The following AP3D1 variants were observed in gnomAD, a reference collection of about 807,000 sequenced individuals.
AP3D1 encodes the protein AP-3 complex subunit delta-1.
A neutral mutation model predicts 147.6 loss-of-function variants in AP3D1; 51 were observed. The ratio of observed to expected loss-of-function variants is 0.35; its 90% CI spans 0.28 to 0.44. AP3D1 has a LOEUF of 0.44. Ranked by LOEUF, AP3D1 falls within the 20% of genes least tolerant of loss-of-function variation. AP3D1 has a pLI of 1.00. For missense variants in AP3D1, 1,421 were observed against 1,624.2 expected (o/e 0.87, Z 2.15); for synonymous variants, 760 against 663.0 (o/e 1.15, Z -2.25).
At position 2,150,110 on chromosome 19, in the gene AP3D1, G is replaced by C. The variant is rs188354064; in HGVS notation, c.96+1129C>G. On this transcript the variant is annotated intron_variant, in intron 1 of 31. Transcript: ENST00000643116. ...AGGTGTAACAATACGGCAAGAGCTC[G>C]GGTTCCCAGAGAGAGGGACATGGGC... 1.5e-4 allele frequency among the ~76,000 whole-genome samples: 23 copies of C among 152,330 alleles called. No homozygotes were observed. In the East Asian group the frequency reaches 4.2e-3, roughly 28 times the overall value.
chr19:2,105,129 G>C (rs184673673), intron 31 of AP3D1, among the ~76,000 whole-genome samples: 176 of 152,316 alleles, frequency 1.2e-3, no homozygotes, highest in African/African-American at 3.9e-3. Flanking sequence ...CAGCTAGGAC[G>C]AGGCAGACTG....
chr19:2,120,773 G>A (rs1599460273), intron 14 of AP3D1, 89 bp downstream of exon 14: 12 of 1,342,760 alleles, frequency 8.9e-6, no homozygotes, highest in Non-Finnish European at 1.1e-5. Flanking sequence ...GATGGGAGAC[G>A]GTAGGAAGGA....
chr19:2,143,445 T>C (rs2019275137), intron 1 of AP3D1, among the ~76,000 whole-genome samples: 1 of 151,602 alleles, frequency 6.6e-6, no homozygotes, highest in African/African-American at 2.4e-5. Context: ...TTTCGCCGTG[T>C]TAGCCAGGAT....
rs2018649533 is a variant in AP3D1, at chr19:2,122,865, G to C, written c.955+493C>G. On this transcript the variant is annotated intron_variant, in intron 11 of 31. Coordinates refer to ENST00000643116, the MANE Select transcript of AP3D1 (RefSeq NM_001261826.3). ...AAATGAGCATCCAAAACACCGCCCA[G>C]GTACAAGGTACCAGGCAGGGGCCGC... Among the ~76,000 whole-genome samples the C allele has an allele frequency of 2.0e-5, 3 of 152,224 alleles. No individual in the cohort carries two copies. In the South Asian group the frequency reaches 6.2e-4, roughly 32 times the overall value.
At chr19:2,120,554 C>G (rs555913490) in intron 14 of AP3D1, among the ~76,000 whole-genome samples, 2 of 152,194 alleles carry the variant, frequency 1.3e-5, no homozygotes, top group Non-Finnish European at 2.9e-5. Context: ...GCCAGCCCCC[C>G]GTCTGCAGCC....
intron 25 of AP3D1, 147 bp downstream of exon 25, chr19:2,111,532 G>T: frequency 2.4e-6 from 3 of 1,259,044 alleles, no homozygotes; most frequent in Non-Finnish European, 3.3e-6. Flanking sequence ...GGGGCTGCGG[G>T]CCAGGGCCAG....
intron 11 of AP3D1, 144 bp from the exon 12 acceptor site, chr19:2,122,023 A>T (rs554651189): frequency 2.1e-6 from 2 of 958,916 alleles, no homozygotes; most frequent in East Asian, 5.9e-5. Flanking sequence ...CAAGTATCCC[A>T]GCTGGAGCTC....
chr19:2,120,022 G>A (rs991237241), intron 14 of AP3D1, among the ~76,000 whole-genome samples: 2 of 152,172 alleles, frequency 1.3e-5, no homozygotes, highest in African/African-American at 4.8e-5. Context: ...GGACCCTTTC[G>A]GGATCCCAGA....
chr19:2,155,154 C>T (rs535669634), upstream of AP3D1, among the ~76,000 whole-genome samples: 12 of 151,890 alleles, frequency 7.9e-5, 1 homozygote, highest in Middle Eastern at 6.8e-3. Context: ...GCACTCCAGC[C>T]TGGGTGACAA....
intron 30 of AP3D1, 103 bp downstream of exon 30, chr19:2,108,983 G>C (rs936379735): frequency 1.9e-6 from 3 of 1,543,588 alleles, no homozygotes; most frequent in Non-Finnish European, 2.6e-6. Flanking sequence ...CCCAAAGGGT[G>C]TGAGTTTGGG....
intron 20 of AP3D1, 72 bp from the exon 21 acceptor site, chr19:2,114,893 C>T (rs1031961770): frequency 5.5e-5 from 84 of 1,518,336 alleles, no homozygotes; most frequent in Non-Finnish European, 6.9e-5. Context: ...CTATCTGGGA[C>T]GCAGTGGGAC....
rs779349759 is a variant in AP3D1 at position 2,110,241 on chromosome 19, G to C, written c.3176-17C>G. The C allele has an allele frequency of 6.2e-7, 1 of 1,609,442 alleles. No homozygotes were observed. Among genetic ancestry groups the C allele is most frequent in the Non-Finnish European group, 8.5e-7 (1 of 1,179,060 alleles). On this transcript the variant is annotated splice_polypyrimidine_tract_variant and intron_variant, in intron 27 of 31. Transcript: ENST00000643116. ...TGGAGACGCCTGGCGGGGGCGAGAG[G>C]GAGTGGGGCCTGAGACGCTGCGGGG... is the stretch of plus-strand genomic sequence containing the variant.
At chr19:2,158,075 A>G (rs552957783) in intron 1 of AP3D1, among the ~76,000 whole-genome samples, 1 of 152,042 alleles carries the variant, frequency 6.6e-6, no homozygotes, top group South Asian at 2.1e-4. Flanking sequence ...TTTGTTTTTG[A>G]GACAGAGTCT....
intron 6 of AP3D1, 55 bp downstream of exon 6, chr19:2,130,353 G>A: frequency 1.2e-6 from 2 of 1,609,758 alleles, no homozygotes; most frequent in Middle Eastern, 1.7e-4. Flanking sequence ...CCTCTTCCCA[G>A]GGCACCGGCT....
At chr19:2,138,536 A>G in intron 2 of AP3D1, 83 bp downstream of exon 2, 1 of 1,069,838 alleles carries the variant, frequency 9.3e-7, no homozygotes, top group East Asian at 2.4e-5. Flanking sequence ...ACAGGTGGAC[A>G]GACAGGCTGA....
intron 21 of AP3D1, 89 bp downstream of exon 21, chr19:2,114,641 CAGCCTGCCCACCCTGCAG>C: frequency 1.4e-6 from 1 of 733,450 alleles, no homozygotes; most frequent in South Asian, 1.5e-5. Flanking sequence ...CACCCCACCC[CAGCCTGCCCACCCTGCAG>C]AGCCCGGCCC....
At chr19:2,132,267 A>T (rs1046917806) in intron 5 of AP3D1, among the ~76,000 whole-genome samples, 1 of 152,222 alleles carries the variant, frequency 6.6e-6, no homozygotes, top group Non-Finnish European at 1.5e-5. Context: ...AGATGATTTC[A>T]AATATCAACT....
At chr19:2,149,455 A>G (rs574708149) in intron 1 of AP3D1, among the ~76,000 whole-genome samples, 30 of 151,722 alleles carry the variant, frequency 2.0e-4, no homozygotes, top group African/African-American at 7.0e-4. Flanking sequence ...GGGCAGGAGA[A>G]TCGCTTGAAC....
At position 2,114,735 on chromosome 19, in the gene AP3D1, C is replaced by CAT. The variant is rs746623530; in HGVS notation, c.2423+11_2423+12dup. 2 of 1,612,816 alleles carry CAT rather than the reference C, an allele frequency of 1.2e-6. No homozygotes were observed. Among genetic ancestry groups the CAT allele is most frequent in the African/African-American group, 2.7e-5 (2 of 75,022 alleles). Reference sequence around the variant, plus strand: ...GTGGCCTCCACCCTCACCCTGAACCCATATGGACTCACTTATCCAGGTCAA... The same window carrying CAT: ...GTGGCCTCCACCCTCACCCTGAACCCATATATGGACTCACTTATCCAGGTCAA... On this transcript the variant is annotated intron_variant, in intron 21 of 31. Coordinates refer to ENST00000643116, the MANE Select transcript of AP3D1 (RefSeq NM_001261826.3).
Sources: allele counts gnomAD v4.1 joint callset (sites outside exome capture counted in the v4.1 genomes callset), GRCh38; gene constraint gnomAD v4.1.1; transcripts MANE v1.5; gene names NCBI Gene and HGNC (gene_info 2026-07-23, HGNC 2026-07-21).